Variants in ANO6 observed in about 807,000 individuals in gnomAD.
ANO6 encodes anoctamin 6.
ANO6 carries 106 observed loss-of-function variants against 117.5 expected under a neutral mutation model. The observed-to-expected ratio is 0.90, with a 90% CI of 0.77 to 1.06. The LOEUF (loss-of-function observed/expected upper bound fraction) is 1.06, where lower values mean the gene tolerates loss of function less well. Among genes scored for constraint, ANO6 ranks in the 50% least tolerant of loss-of-function variants. ANO6 has a pLI of 0.00. For missense variants in ANO6, 955 were observed against 1,121.1 expected (o/e 0.85, Z 2.12); for synonymous variants, 367 against 385.1 (o/e 0.95, Z 0.55).
At chr12:45,241,057 T>C (rs1947735253) in intron 1 of ANO6, among the ~76,000 whole-genome samples, 1 of 152,210 alleles carries the variant, frequency 6.6e-6, no homozygotes, top group African/African-American at 2.4e-5. Flanking sequence ...GGAGTATCTT[T>C]GTGGTGTTCT....
At chr12:45,257,983 G>A (rs1235638762) in intron 1 of ANO6, among the ~76,000 whole-genome samples, 1 of 152,008 alleles carries the variant, frequency 6.6e-6, no homozygotes, top group East Asian at 1.9e-4. Flanking sequence ...AATTCCCAAA[G>A]CGATTTTTCT....
intron 15 of ANO6, among the ~76,000 whole-genome samples, chr12:45,407,024 C>T (rs566007644): frequency 2.0e-5 from 3 of 152,272 alleles, no homozygotes; most frequent in South Asian, 2.1e-4. Context: ...CCAGGGAAAA[C>T]GTATCTGGTG....
chr12:45,225,189 A>C (rs1177863201), intron 1 of ANO6, among the ~76,000 whole-genome samples: 1 of 151,902 alleles, frequency 6.6e-6, no homozygotes, highest in East Asian at 1.9e-4. Flanking sequence ...GTCTCAAAAA[A>C]AAAAAAAAAA....
At chr12:45,346,517 G>A (rs1467046020) in intron 3 of ANO6, among the ~76,000 whole-genome samples, 1 of 152,154 alleles carries the variant, frequency 6.6e-6, no homozygotes, top group East Asian at 1.9e-4. Flanking sequence ...TGCCAAAATT[G>A]CCTGTGTTGT....
chr12:45,431,375 T>G lies in ANO6; in HGVS notation c.*2064T>G. The stretch of plus-strand genomic sequence containing the variant: ...TGTGACTATCTCCTAGTGTTTAAAT[T>G]TGGCAGTTACTCGCCATGTATGTCA... On this transcript the variant is annotated 3_prime_UTR_variant, in exon 20 of 20. Transcript: ENST00000320560. 1.0e-6 allele frequency: 1 copy of G among 985,422 alleles called. No homozygotes were observed. Among genetic ancestry groups the G allele is most frequent in the African/African-American group, 1.7e-5 (1 of 57,356 alleles). The allele number at this position is 985,422 out of a possible 1,614,324, so 61.0% of individuals were successfully genotyped here. A position where few individuals can be genotyped will look rare whatever the true frequency, so the allele number is the denominator to read the frequency against.
In ANO6 at chr12:45,378,042, A is replaced by G. The variant is rs1942075769; in HGVS notation, c.1105-11A>G. The G allele has an allele frequency of 6.2e-7, 1 of 1,608,228 alleles. No individual in the cohort carries two copies. The highest frequency in any genetic ancestry group is 8.5e-7 in the Non-Finnish European group (1 of 1,175,274). On this transcript the variant is annotated splice_polypyrimidine_tract_variant and intron_variant, in intron 9 of 19. Transcript: ENST00000320560. Reference sequence around the variant, plus strand: ...GATATGACTCATTTATATGTCATTTATATTTTCCAGAAATTGTGCATCTTC... The same window carrying G: ...GATATGACTCATTTATATGTCATTTGTATTTTCCAGAAATTGTGCATCTTC...
chr12:45,343,747 C>T (rs924140423), intron 3 of ANO6, among the ~76,000 whole-genome samples: 5 of 152,178 alleles, frequency 3.3e-5, no homozygotes, highest in Admixed American at 2.6e-4. Context: ...AATCCTGCCA[C>T]AGGAGAAAAA....
chr12:45,364,465 T>G (rs1941634094), intron 8 of ANO6, among the ~76,000 whole-genome samples: 1 of 152,236 alleles, frequency 6.6e-6, no homozygotes, highest in South Asian at 2.1e-4. Flanking sequence ...CCCACTAATT[T>G]CTGAGACTGT....
intron 7 of ANO6, among the ~76,000 whole-genome samples, chr12:45,355,061 C>CT (rs1941376050): frequency 6.6e-6 from 1 of 152,310 alleles, no homozygotes; most frequent in Non-Finnish European, 1.5e-5. Flanking sequence ...TTTAAAGTGA[C>CT]TGCTTCTGGG....
intron 2 of ANO6, among the ~76,000 whole-genome samples, chr12:45,316,775 ATG>A (rs1565684300): frequency 1.3e-5 from 2 of 151,580 alleles, no homozygotes; most frequent in East Asian, 3.9e-4. Flanking sequence ...TGACATATAT[ATG>A]TATTATACTA....
rs1477493745 is a variant in ANO6, at chr12:45,429,111, A to G, written c.2533A>G (p.Ile845Val). Residue 845 changes from isoleucine to valine, a missense_variant, in exon 20 of 20, where the codon ATC becomes GTC. Physicochemically the swap from Ile to Val is conservative, Grantham distance 29. Coordinates refer to ENST00000320560, the MANE Select transcript of ANO6 (RefSeq NM_001025356.3). ...TTCTTCTTCTCTTCCCCAGCACGTC[A>G]TCTACTCTGTGAAATTTTTCATTTC... ...LAFIIVMEHV[I>V]YSVKFFISYA... 5.6e-6 allele frequency: 9 copies of G among 1,613,484 alleles called. No individual in the cohort carries two copies. Among genetic ancestry groups the G allele is most frequent in the Middle Eastern group, 1.7e-4 (1 of 6,056 alleles).
At chr12:45,324,648 A>G (rs1313909398) in intron 2 of ANO6, among the ~76,000 whole-genome samples, 1 of 152,220 alleles carries the variant, frequency 6.6e-6, no homozygotes, top group Non-Finnish European at 1.5e-5. Context: ...AGATGAGTTC[A>G]CCAAAGAAAT....
chr12:45,292,642 A>G, intron 1 of ANO6: 1 of 1,176,268 alleles, frequency 8.5e-7, no homozygotes, highest in Non-Finnish European at 1.1e-6. Context: ...CTTCCAAAGG[A>G]CGCATGTTTA....
At chr12:45,334,485 A>G (rs749640752) in intron 3 of ANO6, among the ~76,000 whole-genome samples, 4 of 152,016 alleles carry the variant, frequency 2.6e-5, no homozygotes, top group African/African-American at 4.8e-5. Context: ...AGGCAGAGAG[A>G]AGGAATGCCC....
chr12:45,385,042 TG>T (rs1942260928), intron 10 of ANO6, among the ~76,000 whole-genome samples: 1 of 152,066 alleles, frequency 6.6e-6, no homozygotes, highest in African/African-American at 2.4e-5. Flanking sequence ...CCCCAGGTGG[TG>T]GGGGTCCTCC....
intron 2 of ANO6, among the ~76,000 whole-genome samples, chr12:45,329,384 T>C (rs2137394922): frequency 6.6e-6 from 1 of 152,256 alleles, no homozygotes; most frequent in South Asian, 2.1e-4. Flanking sequence ...TATTGGAGTT[T>C]GACCTACTTA....
intron 18 of ANO6, among the ~76,000 whole-genome samples, 162 bp from the exon 19 acceptor site, chr12:45,422,795 C>T (rs1943399318): frequency 6.6e-6 from 1 of 151,978 alleles, no homozygotes; most frequent in Admixed American, 6.6e-5. Flanking sequence ...GCTGGTGTCG[C>T]ACTCCTGGCC....
intron 2 of ANO6, among the ~76,000 whole-genome samples, chr12:45,330,989 C>A (rs1183762553): frequency 6.6e-6 from 1 of 151,696 alleles, no homozygotes; most frequent in Non-Finnish European, 1.5e-5. Flanking sequence ...CGTTTTCAAT[C>A]TTGATATGCC....
intron 1 of ANO6, among the ~76,000 whole-genome samples, chr12:45,241,852 C>T (rs191028962): frequency 1.3e-5 from 2 of 152,144 alleles, no homozygotes; most frequent in African/African-American, 2.4e-5. Context: ...CACTCCAGAC[C>T]CTGTTTGCCT....
Sources: gnomAD v4.1 joint callset for allele counts (sites outside exome capture counted in the v4.1 genomes callset) on GRCh38, gnomAD v4.1.1 for gene constraint, MANE v1.5 for transcripts, NCBI Gene and HGNC (gene_info 2026-07-23, HGNC 2026-07-21) for gene names.